LAMA2: variants seen among roughly 807,000 people sequenced by gnomAD.
LAMA2 encodes the protein laminin subunit alpha-2.
A neutral mutation model predicts 364.8 loss-of-function variants in LAMA2; 269 were observed. The observed-to-expected ratio is 0.74, with a 90% CI of 0.67 to 0.82. LAMA2 has a LOEUF of 0.82. LAMA2 is among the 40% of genes least tolerant of loss of function. The pLI is 0.00. For missense variants in LAMA2, 3,807 were observed against 3,873.2 expected (o/e 0.98, Z 0.45); for synonymous variants, 1,379 against 1,370.6 (o/e 1.01, Z -0.14).
chr6:128,952,765 C>A (rs930770782), intron 1 of LAMA2, among the ~76,000 whole-genome samples: 15 of 152,040 alleles, frequency 9.9e-5, no homozygotes, highest in Admixed American at 5.2e-4. Flanking sequence ...CTTATGTTAG[C>A]CTTCAGTTGC....
At chr6:129,450,157 GT>G (rs138737135) in intron 45 of LAMA2, among the ~76,000 whole-genome samples, 96 of 142,064 alleles carry the variant, frequency 6.8e-4, no homozygotes, top group African/African-American at 9.8e-4. Context: ...ATGGAATCCC[GT>G]TTTTTTTTTT....
At chr6:129,106,429 A>T (rs540048969) in intron 4 of LAMA2, among the ~76,000 whole-genome samples, 1 of 152,132 alleles carries the variant, frequency 6.6e-6, no homozygotes, top group Non-Finnish European at 1.5e-5. Context: ...GGAAATGAAG[A>T]CCTAGCCTTT....
chr6:129,172,491 G>C lies in LAMA2; in HGVS notation c.1307-5215G>C, dbSNP rs561892084. Among the ~76,000 whole-genome samples, 4 of 152,330 alleles carry C rather than the reference G, an allele frequency of 2.6e-5. No individual in the cohort carries two copies. In the South Asian group the frequency reaches 6.2e-4, roughly 24 times the overall value. ...TGCCTCCCAGTTACGCTGCTCAGGG[G>C]TCAGGGGTCAGGGACCCACTTGAGG... On this transcript the variant is annotated intron_variant, in intron 9 of 64. Transcript: ENST00000421865.
At chr6:128,973,404 C>T (rs1782319061) in intron 1 of LAMA2, among the ~76,000 whole-genome samples, 1 of 152,092 alleles carries the variant, frequency 6.6e-6, no homozygotes, top group African/African-American at 2.4e-5. Context: ...ATCCTTGAAT[C>T]AAAATGATTG....
chr6:129,153,454 C>T (rs1004307000), intron 7 of LAMA2, among the ~76,000 whole-genome samples: 4 of 152,168 alleles, frequency 2.6e-5, no homozygotes, highest in Admixed American at 6.5e-5. Context: ...AACTAGCTCT[C>T]GGTTTGTCTT....
intron 4 of LAMA2, among the ~76,000 whole-genome samples, chr6:129,118,527 A>G (rs1207545351): frequency 6.6e-6 from 1 of 152,246 alleles, no homozygotes; most frequent in African/African-American, 2.4e-5. Context: ...CATACTGAAC[A>G]TAGTTAAAAG....
chr6:129,237,064 A>C (rs1785044019), intron 12 of LAMA2, among the ~76,000 whole-genome samples: 1 of 152,180 alleles, frequency 6.6e-6, no homozygotes, highest in African/African-American at 2.4e-5. Context: ...TTATGTAAGT[A>C]CTCAATGCTT....
At chr6:129,340,514 G>A (rs183206068) in intron 29 of LAMA2, among the ~76,000 whole-genome samples, 1 of 152,188 alleles carries the variant, frequency 6.6e-6, no homozygotes. Flanking sequence ...AACCAAGGGA[G>A]CATCCAAATT....
intron 34 of LAMA2, among the ~76,000 whole-genome samples, chr6:129,373,278 A>C (rs371670491): frequency 6.6e-6 from 1 of 152,152 alleles, no homozygotes; most frequent in East Asian, 1.9e-4. Flanking sequence ...TTTTACACTT[A>C]GGTCTATAAT....
intron 12 of LAMA2, among the ~76,000 whole-genome samples, chr6:129,212,165 T>C (rs1323599736): frequency 6.6e-6 from 1 of 152,204 alleles, no homozygotes; most frequent in African/African-American, 2.4e-5. Context: ...ACCGAAATAG[T>C]ATGCCAAATT....
chr6:129,146,268 CATT>C (rs912714046), intron 5 of LAMA2, among the ~76,000 whole-genome samples: 7 of 151,738 alleles, frequency 4.6e-5, no homozygotes, highest in Non-Finnish European at 7.4e-5. Context: ...GTTATATACA[CATT>C]AATTAAAATT....
chr6:129,418,560 A>G (rs1780915196), intron 40 of LAMA2, among the ~76,000 whole-genome samples: 1 of 152,160 alleles, frequency 6.6e-6, no homozygotes, highest in South Asian at 2.1e-4. Context: ...TTAGTTTGAG[A>G]TCATGTGTAA....
chr6:128,982,951 T>C (rs1190669966), intron 1 of LAMA2, among the ~76,000 whole-genome samples: 5 of 151,592 alleles, frequency 3.3e-5, no homozygotes, highest in Admixed American at 2.0e-4. Flanking sequence ...TCATCATTTT[T>C]TTATGGCTGC....
chr6:129,164,255 G>A (rs1779609226), intron 8 of LAMA2, among the ~76,000 whole-genome samples: 4 of 152,284 alleles, frequency 2.6e-5, no homozygotes, highest in South Asian at 4.1e-4. Context: ...ACAAGGGGAT[G>A]ATTCATATCC....
intron 1 of LAMA2, among the ~76,000 whole-genome samples, chr6:128,922,212 G>A (rs557653892): frequency 1.6e-3 from 249 of 151,064 alleles, no homozygotes; most frequent in African/African-American, 5.8e-3. Context: ...TAGTCCTTTG[G>A]GTATATACCC....
chr6:129,039,127 A>T (rs1377088151), intron 1 of LAMA2, among the ~76,000 whole-genome samples: 3 of 152,242 alleles, frequency 2.0e-5, no homozygotes, highest in Non-Finnish European at 4.4e-5. Flanking sequence ...ACCGTAAAAA[A>T]TACTAAAGTT....
chr6:128,911,602 G>A (rs1018682478), intron 1 of LAMA2, among the ~76,000 whole-genome samples: 1 of 152,180 alleles, frequency 6.6e-6, no homozygotes, highest in Non-Finnish European at 1.5e-5. Context: ...TGTCTTCTGC[G>A]TCGCTCACGC....
chr6:129,285,028 T>TAA (rs1789004501), intron 18 of LAMA2, among the ~76,000 whole-genome samples: 1 of 152,158 alleles, frequency 6.6e-6, no homozygotes, highest in Non-Finnish European at 1.5e-5. Context: ...ATGAGAGGGC[T>TAA]TGACATTTCA....
At chr6:129,488,786 C>CTGAT (rs1784720660) in intron 56 of LAMA2, among the ~76,000 whole-genome samples, 1 of 152,172 alleles carries the variant, frequency 6.6e-6, no homozygotes, top group African/African-American at 2.4e-5. Flanking sequence ...CCACATTAAA[C>CTGAT]TGATTGACCA....
Sources: gnomAD v4.1 joint callset for allele counts (sites outside exome capture counted in the v4.1 genomes callset) on GRCh38, gnomAD v4.1.1 for gene constraint, MANE v1.5 for transcripts, NCBI Gene and HGNC (gene_info 2026-07-23, HGNC 2026-07-21) for gene names.